Variants in KLHL41 observed in about 807,000 individuals in gnomAD.
The protein encoded by KLHL41 is kelch like family member 41.
In KLHL41, 31 loss-of-function variants were observed where a neutral mutation model predicts 49.2. The ratio of observed to expected loss-of-function variants is 0.63; its 90% confidence interval spans 0.47 to 0.85. The LOEUF (loss-of-function observed/expected upper bound fraction) is 0.85. KLHL41 is among the 40% of genes least tolerant of loss of function. The pLI, the probability that KLHL41 is intolerant of heterozygous loss-of-function variation, is 0.00. For missense variants in KLHL41, 663 were observed against 726.7 expected, an observed-to-expected ratio of 0.91 and a Z score of 1.01; for synonymous variants, 218 against 258.5, an observed-to-expected ratio of 0.84 and a Z score of 1.50.
At chr2:169,517,469 T>C (rs556629620) in intron 3 of KLHL41, among the ~76,000 whole-genome samples, 1 of 152,348 alleles carries the variant, frequency 6.6e-6, no homozygotes, top group African/African-American at 2.4e-5. Context: ...CTGGGTGTGA[T>C]GGCACATGCC....
At chr2:169,513,837 A>G (rs1027924196) in intron 1 of KLHL41, among the ~76,000 whole-genome samples, 1 of 152,220 alleles carries the variant, frequency 6.6e-6, no homozygotes, top group African/African-American at 2.4e-5. Context: ...TGCCACCATC[A>G]TCTACCCCAG....
chr2:169,510,138 T>C lies in KLHL41; in HGVS notation c.360T>C (p.Thr120=). 2 of 1,614,208 alleles carry C rather than the reference T, an allele frequency of 1.2e-6. No individual in the cohort carries two copies. The highest frequency in any genetic ancestry group is 1.7e-6 in the Non-Finnish European group (2 of 1,180,032). ...GCTTTCAGATCCCCTCAGTGTTTAC[T>C]GTCTGCGTTTCTTATCTTCAGAAAA... ...ASRFQIPSVF[T]VCVSYLQKRL... Residue 120 remains threonine, a synonymous_variant, in exon 1 of 6, where the codon ACT becomes ACC. Transcript: ENST00000284669. The surrounding 1 kb of genome is among the most constrained non-coding windows in gnomAD (Gnocchi z 4.2).
rs1366627263 is a variant in KLHL41 at position 169,525,696 on chromosome 2, A to C, written c.1821A>C (p.Ter607CysextTer3). The change falls in exon 6 of 6, where the codon TGA becomes TGC. Residue 607 changes from the stop codon to cysteine (C), a stop_lost. Transcript: ENST00000284669. The stretch of plus-strand genomic sequence containing the variant: ...ATCTCTTCAAACTGTCTAAACTGTG[A>C]ACAAGGTGACAAAACATAATAGATT... ...RLNLFKLSKL[*>C] The C allele has an allele frequency of 6.4e-7, 1 of 1,563,610 alleles. No homozygotes were observed. The highest frequency in any genetic ancestry group is 8.8e-7 in the Non-Finnish European group (1 of 1,134,932).
intron 1 of KLHL41, 48 bp from the exon 2 acceptor site, chr2:169,514,526 A>G (rs374019581): frequency 1.9e-6 from 3 of 1,542,490 alleles, no homozygotes; most frequent in Non-Finnish European, 2.6e-6. Context: ...GTGTACTTCT[A>G]ATTTTTTTCT....
chr2:169,516,608 C>T (rs1445918023), intron 3 of KLHL41, among the ~76,000 whole-genome samples: 2 of 152,160 alleles, frequency 1.3e-5, no homozygotes, highest in African/African-American at 4.8e-5. Context: ...ATTGATATGT[C>T]AGTAAGAAGC....
chr2:169,517,920 T>A (rs1333126741), intron 3 of KLHL41, among the ~76,000 whole-genome samples: 1 of 152,144 alleles, frequency 6.6e-6, no homozygotes, highest in Non-Finnish European at 1.5e-5. Context: ...TCAATTGAAT[T>A]TAGTAGATAC....
At chr2:169,523,930 C>T (rs578065357) in intron 5 of KLHL41, among the ~76,000 whole-genome samples, 1 of 151,596 alleles carries the variant, frequency 6.6e-6, no homozygotes, top group East Asian at 1.9e-4. Flanking sequence ...CCTCAATTTC[C>T]TAGTGAACCT....
intron 4 of KLHL41, 116 bp from the exon 5 acceptor site, chr2:169,520,745 G>A (rs1053949012): frequency 3.3e-5 from 26 of 794,152 alleles, no homozygotes; most frequent in African/African-American, 1.6e-4. Flanking sequence ...GAGCCACCGC[G>A]CCTGGCTGCC....
chr2:169,514,720 C>G lies in KLHL41; in HGVS notation c.1257C>G (p.Cys419Trp). ...AGGCTTCGCTGGATTCAGTATTATG[C>G]TATGATCCTGTGTAAGTTGGCATGA... ...QTEASLDSVL[C>W]YDPVAAKWNE... Residue 419 changes from cysteine (C) to tryptophan (W), a missense_variant, in exon 2 of 6, where the codon TGC becomes TGG. Cys to Trp is a radical substitution (Grantham distance 215). Coordinates refer to ENST00000284669, the MANE Select transcript of KLHL41 (RefSeq NM_006063.3). 6.2e-7 allele frequency: 1 copy of G among 1,613,938 alleles called. No homozygotes were observed. The highest frequency in any genetic ancestry group is 8.5e-7 in the Non-Finnish European group (1 of 1,179,900).
chr2:169,510,622 G>A lies in KLHL41; in HGVS notation c.844G>A (p.Val282Ile), dbSNP rs1490782284. Residue 282 changes from valine (V) to isoleucine (I), a missense_variant, in exon 1 of 6, where the codon GTT becomes ATT. This residue lies in a region of KLHL41 where 528 missense variants were observed against 581.0 expected (regional missense o/e 0.91). Transcript: ENST00000284669. This position sits in a 1 kb window ranked among gnomAD's most constrained non-coding sequence, Gnocchi z 4.2. ...KTGAGEVNGD[V>I]GDEDLLPGYL... ...TGGGGCTGGTGAGGTGAATGGTGAT[G>A]TTGGTGATGAAGATTTACTTCCTGG... The A allele has an allele frequency of 6.2e-7, 1 of 1,614,172 alleles. No individual in the cohort carries two copies. The highest frequency in any genetic ancestry group is 1.1e-5 in the South Asian group (1 of 91,080).
chr2:169,525,449 G>C (rs1169686500), intron 5 of KLHL41, 136 bp from the exon 6 acceptor site: 2 of 606,242 alleles, frequency 3.3e-6, no homozygotes, highest in East Asian at 2.7e-5. Context: ...TTTAAGTTCT[G>C]TTCTACCAGG....
At chr2:169,515,137 G>A (rs1480837396) in intron 3 of KLHL41, among the ~76,000 whole-genome samples, 176 bp downstream of exon 3, 4 of 151,200 alleles carry the variant, frequency 2.6e-5, no homozygotes, top group Non-Finnish European at 5.9e-5. Flanking sequence ...GGGTTCAAGC[G>A]ATTCTCCTGT....
Position 169,514,439 on chromosome 2 carries a change from T to C in KLHL41, c.1111-135T>C, listed in dbSNP as rs187210660. ...TGAGCTACAATGTGATACTTTGGGG[T>C]TGTAGTTTTATTTACTTGTGAGATA... On this transcript the variant is annotated intron_variant, in intron 1 of 5. Transcript: ENST00000284669. 2.0e-5 allele frequency: 12 copies of C among 610,582 alleles called. No homozygotes were observed. The Admixed American group carries it at 3.6e-4, about 18-fold the overall frequency. The allele number at this position is 610,582 out of a possible 1,614,324, so 37.8% of individuals were successfully genotyped here. A position where few individuals can be genotyped will look rare whatever the true frequency, so the allele number is the denominator to read the frequency against.
intron 5 of KLHL41, among the ~76,000 whole-genome samples, chr2:169,522,704 G>GGTTTTTTT (rs1684220321): frequency 1.1e-5 from 1 of 87,794 alleles, no homozygotes; most frequent in Non-Finnish European, 2.2e-5. Flanking sequence ...CCTTCCCAGT[G>GGTTTTTTT]ATTTTTTTTT....
At chr2:169,518,118 C>T in intron 3 of KLHL41, 72 bp from the exon 4 acceptor site, 2 of 1,122,890 alleles carry the variant, frequency 1.8e-6, no homozygotes, top group Non-Finnish European at 2.6e-6. Flanking sequence ...TCATGACAAG[C>T]AAAGCCAAAT....
chr2:169,525,594 T>C lies in KLHL41; in HGVS notation c.1719T>C (p.Asp573=). 6.2e-7 allele frequency: 1 copy of C among 1,603,454 alleles called. No individual in the cohort carries two copies. ...TTTTTTCCTCCATCAGGTATGAAGA[T>C]GATAAAAAAGAATGGGCTGGGATGT... The part of the protein sequence containing the change: ...TEVNDIWKYE[D]DKKEWAGMLK... Residue 573 remains aspartate, a synonymous_variant, in exon 6 of 6, where the codon GAT becomes GAC. Coordinates refer to ENST00000284669, the MANE Select transcript of KLHL41 (RefSeq NM_006063.3).
chr2:169,512,363 A>G (rs1050481188), intron 1 of KLHL41, among the ~76,000 whole-genome samples: 1 of 152,196 alleles, frequency 6.6e-6, no homozygotes, highest in Admixed American at 6.5e-5. Flanking sequence ...ACACAGATAG[A>G]CAGATGACAG....
chr2:169,512,192 T>C (rs1368125686), intron 1 of KLHL41, among the ~76,000 whole-genome samples: 1 of 152,244 alleles, frequency 6.6e-6, no homozygotes, highest in Non-Finnish European at 1.5e-5. Context: ...ATATTAATCA[T>C]GTTTCTTAAT....
chr2:169,524,980 A>G (rs1487905687), intron 5 of KLHL41, among the ~76,000 whole-genome samples: 2 of 152,202 alleles, frequency 1.3e-5, no homozygotes, highest in East Asian at 3.9e-4. Flanking sequence ...TGTTCAGCAC[A>G]CATCGTACAA....
Sources: gnomAD v4.1 joint callset for allele counts (sites outside exome capture counted in the v4.1 genomes callset) on GRCh38, gnomAD v4.1.1 for gene constraint, gnomAD v4.1.1 regional missense constraint, Gnocchi (gnomAD v3.1) non-coding constraint, MANE v1.5 for transcripts, NCBI Gene and HGNC (gene_info 2026-07-23, HGNC 2026-07-21) for gene names.